CSMD1: variants seen among roughly 807,000 people sequenced by gnomAD.
The protein encoded by CSMD1 is CUB and Sushi multiple domains 1.
A neutral mutation model predicts 417.5 loss-of-function variants in CSMD1; 213 were observed. The ratio of observed to expected loss-of-function variants is 0.51; its 90% CI spans 0.46 to 0.57. The LOEUF (loss-of-function observed/expected upper bound fraction) is 0.57, where lower values mean the gene tolerates loss of function less well. Ranked by LOEUF, CSMD1 falls within the 20% of genes least tolerant of loss-of-function variation. The probability of loss-of-function intolerance (pLI) is 0.00; values close to 1 mark genes in which losing one functional copy is unlikely to be tolerated. For missense variants in CSMD1, 6,923 were observed against 4,529.7 expected (o/e 1.53, Z -15.17); for synonymous variants, 2,862 against 1,736.8 (o/e 1.65, Z -16.11).
At chr8:4,118,325 A>G (rs1342656628) in intron 3 of CSMD1, among the ~76,000 whole-genome samples, 1 of 152,168 alleles carries the variant, frequency 6.6e-6, no homozygotes, top group East Asian at 1.9e-4. Context: ...CAGCAAACTT[A>G]AAAATAGAAG....
intron 7 of CSMD1, among the ~76,000 whole-genome samples, chr8:3,620,095 C>A (rs183402272): frequency 6.6e-6 from 1 of 151,696 alleles, no homozygotes; most frequent in Non-Finnish European, 1.5e-5. Flanking sequence ...GAGCAAGGCT[C>A]CAACTGAAGA....
intron 5 of CSMD1, among the ~76,000 whole-genome samples, chr8:3,907,263 G>C (rs566409082): frequency 6.6e-6 from 1 of 152,284 alleles, no homozygotes; most frequent in East Asian, 1.9e-4. Context: ...TTGATCGTAA[G>C]TCTTTACATG....
intron 2 of CSMD1, among the ~76,000 whole-genome samples, chr8:4,450,939 A>G (rs923401791): frequency 4.6e-5 from 7 of 152,168 alleles, no homozygotes; most frequent in Non-Finnish European, 7.3e-5. Flanking sequence ...CCAATAAAAG[A>G]ACCCATACAA....
At chr8:4,692,937 C>G (rs1806865304) in intron 1 of CSMD1, among the ~76,000 whole-genome samples, 1 of 152,194 alleles carries the variant, frequency 6.6e-6, no homozygotes, top group African/African-American at 2.4e-5. Context: ...GCCTCATTGA[C>G]AGTGGGCCAA....
intron 23 of CSMD1, among the ~76,000 whole-genome samples, chr8:3,334,986 C>G (rs952030084): frequency 6.6e-5 from 10 of 152,150 alleles, no homozygotes; most frequent in Non-Finnish European, 1.3e-4. Context: ...AATAATGCTC[C>G]CCTGAAAAAA....
intron 1 of CSMD1, among the ~76,000 whole-genome samples, chr8:4,849,792 A>G (rs1304529477): frequency 6.6e-6 from 1 of 152,218 alleles, no homozygotes; most frequent in Admixed American, 6.5e-5. Context: ...AATGATGTTC[A>G]TACATTGATG....
chr8:4,527,222 G>C (rs1209626882), intron 2 of CSMD1, among the ~76,000 whole-genome samples: 1 of 152,026 alleles, frequency 6.6e-6, no homozygotes, highest in African/African-American at 2.4e-5. Flanking sequence ...TGGCCAGTTG[G>C]GTTGCTGTAA....
chr8:4,826,702 G>C (rs117656436), intron 1 of CSMD1, among the ~76,000 whole-genome samples: 1 of 152,018 alleles, frequency 6.6e-6, no homozygotes, highest in African/African-American at 2.4e-5. Flanking sequence ...CTTTCCCTGC[G>C]CTCTGCCTTT....
intron 5 of CSMD1, among the ~76,000 whole-genome samples, chr8:3,848,689 C>T (rs755921702): frequency 1.1e-4 from 17 of 152,084 alleles, no homozygotes; most frequent in African/African-American, 3.6e-4. Flanking sequence ...ATGCTCCTTG[C>T]ACCATCTGTG....
At chr8:4,281,820 T>G (rs138596625) in intron 3 of CSMD1, among the ~76,000 whole-genome samples, 1 of 152,322 alleles carries the variant, frequency 6.6e-6, no homozygotes, top group East Asian at 1.9e-4. Flanking sequence ...TGTAAAACAC[T>G]GATTTTCTAG....
chr8:3,242,220 G>A (rs1217300924), intron 26 of CSMD1, among the ~76,000 whole-genome samples: 4 of 151,916 alleles, frequency 2.6e-5, no homozygotes, highest in Non-Finnish European at 5.9e-5. Context: ...TGTGAGGAGG[G>A]GAGGTGATAA....
At position 2,955,605 on chromosome 8, in the gene CSMD1, C is replaced by A; in HGVS notation, c.9978G>T (p.Lys3326Asn). Residue 3326 changes from lysine to asparagine, a missense_variant, in exon 64 of 70, where the codon AAG becomes AAT. By Grantham distance (94) the Lys-to-Asn change is moderately conservative. Coordinates refer to ENST00000635120, the MANE Select transcript of CSMD1 (RefSeq NM_033225.6). The part of the protein sequence containing the change: ...TCKADMKWTG[K>N]SPVCKSKGVR... ...ATGACTTACTTTTACACACAGGCGA[C>A]TTTCCTGTCCATTTCATGTCTGCTT... The A allele has an allele frequency of 6.2e-7, 1 of 1,613,658 alleles. No homozygotes were observed. The highest frequency in any genetic ancestry group is 8.5e-7 in the Non-Finnish European group (1 of 1,179,706).
At chr8:3,822,059 C>T (rs1169580068) in intron 5 of CSMD1, among the ~76,000 whole-genome samples, 2 of 152,154 alleles carry the variant, frequency 1.3e-5, no homozygotes, top group East Asian at 1.9e-4. Context: ...TGCCTTTTGA[C>T]CTATGCTGTT....
chr8:4,149,658 G>A (rs946687113), intron 3 of CSMD1, among the ~76,000 whole-genome samples: 1 of 152,170 alleles, frequency 6.6e-6, no homozygotes, highest in Admixed American at 6.5e-5. Flanking sequence ...CAGAATGGAG[G>A]ATGCTAAGTG....
intron 3 of CSMD1, among the ~76,000 whole-genome samples, chr8:4,280,849 C>T (rs1025828405): frequency 1.3e-5 from 2 of 152,156 alleles, no homozygotes; most frequent in Non-Finnish European, 2.9e-5. Context: ...TTCATTTCTT[C>T]TACTTCCTGT....
intron 63 of CSMD1, 105 bp from the exon 64 acceptor site, chr8:2,955,873 A>G (rs1428133158): frequency 1.1e-6 from 1 of 883,270 alleles, no homozygotes; most frequent in African/African-American, 1.7e-5. Context: ...TTATGCAGTC[A>G]ATATGTATAT....
intron 10 of CSMD1, among the ~76,000 whole-genome samples, chr8:3,558,331 TCAGTAGTACCCCGTGTCCACTCCTC>T (rs1316604974): frequency 1.2e-4 from 15 of 122,408 alleles, no homozygotes; most frequent in South Asian, 2.7e-4. Context: ...GAATGATGCC[TCAGTAGTACCCCGTGTCCACTCCTC>T]CAATGATGAA....
intron 18 of CSMD1, among the ~76,000 whole-genome samples, chr8:3,383,437 G>A (rs1024325512): frequency 6.6e-6 from 1 of 151,588 alleles, no homozygotes; most frequent in African/African-American, 2.4e-5. Context: ...ATGCATGGAG[G>A]GAAGCCTTCT....
intron 5 of CSMD1, among the ~76,000 whole-genome samples, chr8:3,992,145 C>T (rs1353353315): frequency 3.3e-5 from 5 of 150,674 alleles, no homozygotes; most frequent in Admixed American, 2.7e-4. Flanking sequence ...TGTGTATGTA[C>T]ATATATTATA....
Sources: gnomAD v4.1 joint callset for allele counts (sites outside exome capture counted in the v4.1 genomes callset) on GRCh38, gnomAD v4.1.1 for gene constraint, MANE v1.5 for transcripts, NCBI Gene and HGNC (gene_info 2026-07-23, HGNC 2026-07-21) for gene names.